The following FUT8 variants were observed in gnomAD, a reference collection of about 807,000 sequenced individuals.
FUT8 encodes alpha-(1,6)-fucosyltransferase.
FUT8 carries 29 observed loss-of-function variants against 71.3 expected under a neutral mutation model. The ratio of observed to expected loss-of-function variants is 0.41; its 90% CI spans 0.30 to 0.55. FUT8 has a LOEUF of 0.55. FUT8 is among the 20% of genes least tolerant of loss of function. The probability of loss-of-function intolerance (pLI) is 0.34; values close to 1 mark genes in which losing one functional copy is unlikely to be tolerated. For synonymous variants in FUT8, 254 were observed against 239.3 expected (o/e 1.06, Z -0.57); for missense variants, 544 against 702.1 (o/e 0.77, Z 2.55).
chr14:65,420,458 A>G (rs1297180371), intron 1 of FUT8, among the ~76,000 whole-genome samples: 1 of 152,080 alleles, frequency 6.6e-6, no homozygotes, highest in African/African-American at 2.4e-5. Flanking sequence ...GGCTTAGAGT[A>G]GTACAGAAGT....
At chr14:65,390,967 C>T in the FUT8 span, among the ~76,000 whole-genome samples, 12 of 152,232 alleles carry the variant, frequency 7.9e-5, no homozygotes, top group East Asian at 1.9e-3. Flanking sequence ...ACCTCTTGAT[C>T]GGCCTGCCTT....
intron 5 of FUT8, among the ~76,000 whole-genome samples, chr14:65,622,385 C>T (rs1330727418): frequency 6.6e-6 from 1 of 152,056 alleles, no homozygotes; most frequent in Non-Finnish European, 1.5e-5. Flanking sequence ...CTGGTCAGAC[C>T]TATTAATACA....
chr14:65,409,103 A>G (rs558479370), upstream of FUT8, among the ~76,000 whole-genome samples: 6 of 152,314 alleles, frequency 3.9e-5, no homozygotes, highest in African/African-American at 1.4e-4. The surrounding 1 kb of genome is among the most constrained non-coding windows in gnomAD (Gnocchi z 5.4). Flanking sequence ...TACAAATGAG[A>G]AAACTGAGGC....
rs984011885 is a variant in FUT8, at chr14:65,472,891, T to A, written c.-228+17173T>A. On this transcript the variant is annotated intron_variant, in intron 2 of 10. Transcript: ENST00000673929. This position sits in a 1 kb window ranked among gnomAD's most constrained non-coding sequence, Gnocchi z 4.4. ...TAGAAATTGAAGTAGAAAAAGACAT[T>A]GTTGTAAATTAAATGTAAGATATAA... Among the ~76,000 whole-genome samples, 1 of 152,030 alleles carries A rather than the reference T, an allele frequency of 6.6e-6. No homozygotes were observed. Among genetic ancestry groups the A allele is most frequent in the South Asian group, 2.1e-4 (1 of 4,836 alleles).
chr14:65,518,782 A>G (rs1882883780), intron 2 of FUT8, among the ~76,000 whole-genome samples: 2 of 152,192 alleles, frequency 1.3e-5, no homozygotes, highest in Non-Finnish European at 2.9e-5. Flanking sequence ...GGCCTCCCAA[A>G]GTTCTGGGAT....
At chr14:65,420,404 A>G (rs2065275762) in intron 1 of FUT8, among the ~76,000 whole-genome samples, 1 of 152,160 alleles carries the variant, frequency 6.6e-6, no homozygotes, top group Non-Finnish European at 1.5e-5. Flanking sequence ...GGTGTGAGCC[A>G]CCAAACTTGG....
intron 3 of FUT8, among the ~76,000 whole-genome samples, chr14:65,608,462 C>T (rs1333304579): frequency 6.6e-6 from 1 of 151,904 alleles, no homozygotes; most frequent in African/African-American, 2.4e-5. Flanking sequence ...ATTTAGGCTA[C>T]AACTCACTAG....
At chr14:65,389,135 A>G in the FUT8 span, among the ~76,000 whole-genome samples, 1 of 151,102 alleles carries the variant, frequency 6.6e-6, no homozygotes, top group Non-Finnish European at 1.5e-5. Flanking sequence ...CTGGGATTAC[A>G]GGTGCAAGCC....
At chr14:65,686,660 T>G (rs1347881506) in intron 7 of FUT8, among the ~76,000 whole-genome samples, 2 of 152,214 alleles carry the variant, frequency 1.3e-5, no homozygotes, top group African/African-American at 4.8e-5. Flanking sequence ...GAGAGGAGGT[T>G]GATTGTCAGT....
intron 3 of FUT8, among the ~76,000 whole-genome samples, chr14:65,601,554 AT>A (rs1461284635): frequency 6.6e-5 from 10 of 152,090 alleles, no homozygotes; most frequent in Non-Finnish European, 1.5e-4. Flanking sequence ...TGTTTAAAAA[AT>A]TTTTTCTTAT....
At position 65,660,267 on chromosome 14, in the gene FUT8, T is replaced by C. The variant is rs1190306247; in HGVS notation, c.598-8976T>C. On this transcript the variant is annotated intron_variant, in intron 6 of 10. Coordinates refer to ENST00000673929, the MANE Select transcript of FUT8 (RefSeq NM_001371533.1). The surrounding 1 kb of genome is among the most constrained non-coding windows in gnomAD (Gnocchi z 4.1). ...CAGAATACTGTCTTGAAAGCCTCAGTGGAAGAAATGCCCCACATTTGCTTG... is the reference window on the plus strand; with the variant it reads ...CAGAATACTGTCTTGAAAGCCTCAGCGGAAGAAATGCCCCACATTTGCTTG... 6.6e-6 allele frequency among the ~76,000 whole-genome samples: 1 copy of C among 152,146 alleles called. No individual in the cohort carries two copies. Among genetic ancestry groups the C allele is most frequent in the East Asian group, 1.9e-4 (1 of 5,198 alleles).
At chr14:65,549,425 C>G (rs1195573574) in intron 2 of FUT8, among the ~76,000 whole-genome samples, 1 of 152,020 alleles carries the variant, frequency 6.6e-6, no homozygotes, top group South Asian at 2.1e-4. Flanking sequence ...GGTTTACCCC[C>G]CAATCTTGTG....
At chr14:65,440,125 G>T (rs2065631631) in intron 1 of FUT8, among the ~76,000 whole-genome samples, 1 of 151,418 alleles carries the variant, frequency 6.6e-6, no homozygotes, top group Admixed American at 6.6e-5. Flanking sequence ...ATACTGCGTG[G>T]TCTCACTTAT....
At chr14:65,521,776 G>C (rs1489472615) in intron 2 of FUT8, among the ~76,000 whole-genome samples, 2 of 152,008 alleles carry the variant, frequency 1.3e-5, no homozygotes, top group Admixed American at 6.6e-5. Context: ...TACTTGTCTT[G>C]CTTATTGTAT....
chr14:65,466,704 C>T (rs942658126), intron 2 of FUT8, among the ~76,000 whole-genome samples: 1 of 151,964 alleles, frequency 6.6e-6, no homozygotes, highest in Non-Finnish European at 1.5e-5. Context: ...GAGCCAAGAT[C>T]GCACTACTGC....
chr14:65,517,632 A>C (rs1882801223), intron 2 of FUT8, among the ~76,000 whole-genome samples: 1 of 152,228 alleles, frequency 6.6e-6, no homozygotes, highest in Non-Finnish European at 1.5e-5. Flanking sequence ...CATGGAAATT[A>C]GATCATGACA....
chr14:65,653,358 G>A (rs1422159134), intron 6 of FUT8, among the ~76,000 whole-genome samples: 1 of 152,112 alleles, frequency 6.6e-6, no homozygotes, highest in Non-Finnish European at 1.5e-5. Context: ...AAGGATGCAA[G>A]CACCTGGAAG....
chr14:65,571,884 A>T (rs1703230428), intron 3 of FUT8, among the ~76,000 whole-genome samples: 1 of 152,132 alleles, frequency 6.6e-6, no homozygotes, highest in Admixed American at 6.6e-5. Context: ...TTGTGTACTG[A>T]AAAGTATAAC....
At chr14:65,702,364 A>G (rs934289997) in intron 7 of FUT8, among the ~76,000 whole-genome samples, 2 of 146,632 alleles carry the variant, frequency 1.4e-5, no homozygotes, top group Admixed American at 1.4e-4. Flanking sequence ...AAAAAAAGGG[A>G]ACAAGAAAGT....
Sources: gnomAD v4.1 joint callset for allele counts (sites outside exome capture counted in the v4.1 genomes callset) on GRCh38, gnomAD v4.1.1 for gene constraint, Gnocchi (gnomAD v3.1) non-coding constraint, MANE v1.5 for transcripts, NCBI Gene and HGNC (gene_info 2026-07-23, HGNC 2026-07-21) for gene names.